Variants in ADAM22 observed in about 807,000 individuals in gnomAD.
The protein encoded by ADAM22 is ADAM metallopeptidase domain 22, also known as disintegrin and metalloproteinase domain-containing protein 22.
A neutral mutation model predicts 144.6 loss-of-function variants in ADAM22; 65 were observed. The observed-to-expected ratio is 0.45, with a 90% CI of 0.37 to 0.55. ADAM22 has a LOEUF of 0.55. Among genes scored for constraint, ADAM22 ranks in the 20% least tolerant of loss-of-function variants. The pLI, the probability that ADAM22 is intolerant of heterozygous loss-of-function variation, is 0.00. For synonymous variants in ADAM22, 391 were observed against 412.6 expected, an observed-to-expected ratio of 0.95 and a Z score of 0.63; for missense variants, 974 against 1,184.9, an observed-to-expected ratio of 0.82 and a Z score of 2.61.
rs780985867 is a variant in ADAM22 at position 88,165,891 on chromosome 7, C to T, written c.2136C>T (p.Asn712=). 5.0e-6 allele frequency: 8 copies of T among 1,611,894 alleles called. No individual in the cohort carries two copies. The African/African-American group carries it at 6.7e-5, about 13-fold the overall frequency. ...GACACTGGATAGGTTCTGATTGCAA[C>T]ACTTACTTCCCTCACAATGATGATG... ...CNRHWIGSDC[N]TYFPHNDDAK... The change falls in exon 24 of 32, where the codon AAC becomes AAT. Residue 712 remains asparagine (N), a synonymous_variant. Coordinates refer to ENST00000413139, the MANE Select transcript of ADAM22 (RefSeq NM_001324418.2).
At chr7:88,138,247 C>T (rs950979471) in intron 14 of ADAM22, among the ~76,000 whole-genome samples, 2 of 152,114 alleles carry the variant, frequency 1.3e-5, no homozygotes, top group African/African-American at 4.8e-5. Context: ...GTTGCAGTTT[C>T]AACAATTACG....
At chr7:88,140,285 T>C (rs551291134) in intron 14 of ADAM22, among the ~76,000 whole-genome samples, 1 of 152,174 alleles carries the variant, frequency 6.6e-6, no homozygotes, top group Admixed American at 6.5e-5. Flanking sequence ...TGTCTGCTGC[T>C]TGATTCAGTC....
intron 7 of ADAM22, among the ~76,000 whole-genome samples, chr7:88,122,318 G>A (rs375132077): frequency 1.3e-5 from 2 of 152,158 alleles, no homozygotes; most frequent in Non-Finnish European, 2.9e-5. Context: ...CTTGTATGAT[G>A]TTATCTTGAG....
At chr7:88,159,329 G>A (rs951080823) in intron 22 of ADAM22, among the ~76,000 whole-genome samples, 2 of 151,998 alleles carry the variant, frequency 1.3e-5, no homozygotes, top group African/African-American at 2.4e-5. Flanking sequence ...CCAGATGTAC[G>A]AAGAAGAGCT....
chr7:88,131,914 A>G (rs1403543000), intron 11 of ADAM22: 1 of 153,340 alleles, frequency 6.5e-6, no homozygotes, highest in African/African-American at 2.4e-5. Context: ...TTAAAAATCT[A>G]TCATCTAAAG....
intron 4 of ADAM22, among the ~76,000 whole-genome samples, chr7:88,089,566 T>C (rs1429026022): frequency 6.6e-6 from 1 of 152,196 alleles, no homozygotes; most frequent in Non-Finnish European, 1.5e-5. Flanking sequence ...GCCTTCCTTA[T>C]TTACAGCTTT....
chr7:88,073,373 G>A (rs1038598899), intron 3 of ADAM22, among the ~76,000 whole-genome samples: 1 of 152,118 alleles, frequency 6.6e-6, no homozygotes, highest in African/African-American at 2.4e-5. Context: ...AGTTAAGAGA[G>A]CCCCGGCTAC....
At chr7:87,989,871 A>C (rs978755936) in intron 3 of ADAM22, among the ~76,000 whole-genome samples, 2 of 152,034 alleles carry the variant, frequency 1.3e-5, no homozygotes, top group African/African-American at 4.8e-5. Flanking sequence ...AGCAGAGATC[A>C]CACCACTGCA....
In ADAM22 at chr7:88,109,850, A is replaced by C. The variant is rs911400531; in HGVS notation, c.473+1592A>C. 3.9e-5 allele frequency among the ~76,000 whole-genome samples: 6 copies of C among 152,168 alleles called. No homozygotes were observed. The East Asian group carries it at 1.2e-3, about 29-fold the overall frequency. On this transcript the variant is annotated intron_variant, in intron 5 of 31. Coordinates refer to ENST00000413139, the MANE Select transcript of ADAM22 (RefSeq NM_001324418.2). ...AAGACAGTGGAGTGCAATAGGTTGG[A>C]ATAGCCTATCCAAGGGAGAGGGTTA...
chr7:88,157,503 GT>G, intron 22 of ADAM22, among the ~76,000 whole-genome samples: 1 of 152,122 alleles, frequency 6.6e-6, no homozygotes, highest in Non-Finnish European at 1.5e-5. Flanking sequence ...ATAAAGACAT[GT>G]TTAGTTATGC....
At chr7:88,153,418 C>A (rs1348384038) in intron 21 of ADAM22, 92 bp downstream of exon 21, 3 of 1,020,652 alleles carry the variant, frequency 2.9e-6, no homozygotes, top group East Asian at 5.2e-5. Context: ...TTCTGCATCA[C>A]ACAAAGTGTG....
At chr7:88,014,580 TAA>T (rs1796144862) in intron 3 of ADAM22, among the ~76,000 whole-genome samples, 1 of 152,124 alleles carries the variant, frequency 6.6e-6, no homozygotes, top group East Asian at 1.9e-4. Context: ...CCGTCTCTAC[TAA>T]AAATACAAAA....
At chr7:88,009,985 A>G (rs750301600) in intron 3 of ADAM22, among the ~76,000 whole-genome samples, 4 of 152,180 alleles carry the variant, frequency 2.6e-5, no homozygotes, top group Non-Finnish European at 5.9e-5. Flanking sequence ...CTGAATGCCA[A>G]AAATGTCTAC....
chr7:88,190,883 C>G (rs1445029306), intron 30 of ADAM22, among the ~76,000 whole-genome samples: 1 of 152,074 alleles, frequency 6.6e-6, no homozygotes, highest in Admixed American at 6.6e-5. Context: ...ACCCTTTCCC[C>G]TGCTAAAACC....
In ADAM22 at chr7:88,181,970, G is replaced by A; in HGVS notation, c.2609G>A (p.Gly870Asp). ...RSNSWQGNLG[G>D]NKKKIRGKRF... ...CCGTCTTTTTCAGGTAACCTGGGAG[G>A]CAACAAAAAGAAAATCAGAGGCAAA... Residue 870 changes from glycine to aspartate, a missense_variant, in exon 29 of 32, where the codon GGC (glycine) becomes GAC (aspartate). By Grantham distance (94) the Gly-to-Asp change is moderately conservative. Around this residue, in one of 2 missense-constraint regions of ADAM22, gnomAD observed 734 missense variants for 950.6 expected, o/e 0.77. Coordinates refer to ENST00000413139, the MANE Select transcript of ADAM22 (RefSeq NM_001324418.2). The A allele has an allele frequency of 1.9e-6, 3 of 1,613,582 alleles. No individual in the cohort carries two copies. The highest frequency in any genetic ancestry group is 2.5e-6 in the Non-Finnish European group (3 of 1,179,690).
chr7:88,088,049 G>A (rs183659357), intron 4 of ADAM22, among the ~76,000 whole-genome samples: 338 of 152,280 alleles, frequency 2.2e-3, no homozygotes, highest in African/African-American at 7.7e-3. Context: ...AGTGCTGTGC[G>A]TTGAAGGGCA....
At chr7:87,989,071 A>G (rs1789134367) in intron 3 of ADAM22, among the ~76,000 whole-genome samples, 2 of 152,236 alleles carry the variant, frequency 1.3e-5, no homozygotes, top group Admixed American at 6.5e-5. Flanking sequence ...AAAAGTTAAA[A>G]TAGTCAAGCT....
At chr7:88,031,802 C>T (rs910811009) in intron 3 of ADAM22, among the ~76,000 whole-genome samples, 1 of 152,256 alleles carries the variant, frequency 6.6e-6, no homozygotes, top group Non-Finnish European at 1.5e-5. Flanking sequence ...CTGCCCTGCA[C>T]AACCTCAGGA....
Position 88,135,994 on chromosome 7 carries a change from G to A in ADAM22, c.1183G>A (p.Glu395Lys), listed in dbSNP as rs779354391. 6.2e-6 allele frequency: 10 copies of A among 1,611,686 alleles called. No homozygotes were observed. The East Asian group carries it at 6.7e-5, about 11-fold the overall frequency. ...TTTTCTCTTAGGTGAATGTAAATGC[G>A]AGGACACGTGGTCCGGGTGCATAAT... ...RKLASGECKC[E>K]DTWSGCIMGD... The change falls in exon 14 of 32, where the codon GAG becomes AAG. Residue 395 changes from glutamate (E) to lysine (K), a missense_variant. By Grantham distance (56) the Glu-to-Lys change is moderately conservative. Transcript: ENST00000413139.
Sources: allele counts gnomAD v4.1 joint callset (sites outside exome capture counted in the v4.1 genomes callset), GRCh38; gene constraint gnomAD v4.1.1; regional missense constraint gnomAD v4.1.1; transcripts MANE v1.5; gene names NCBI Gene and HGNC (gene_info 2026-07-23, HGNC 2026-07-21).